Variants in GPC5 observed in about 807,000 individuals in gnomAD.
The protein encoded by GPC5 is glypican-5.
In GPC5, 47 loss-of-function variants were observed where a neutral mutation model predicts 53.9. That is an observed-to-expected ratio of 0.87 (90% CI 0.69 to 1.11). GPC5 has a LOEUF of 1.11. Among genes scored for constraint, GPC5 ranks in the 50% most tolerant of loss-of-function variants. The probability of loss-of-function intolerance (pLI) is 0.00; values close to 1 mark genes in which losing one functional copy is unlikely to be tolerated. For missense variants in GPC5, 748 were observed against 713.1 expected, an observed-to-expected ratio of 1.05 and a Z score of -0.56; for synonymous variants, 286 against 263.3, an observed-to-expected ratio of 1.09 and a Z score of -0.84.
chr13:92,098,833 C>G (rs2041442361), intron 6 of GPC5, among the ~76,000 whole-genome samples: 1 of 152,130 alleles, frequency 6.6e-6, no homozygotes, highest in Admixed American at 6.5e-5. Flanking sequence ...ACGTTGATCT[C>G]CACCCAGTGA....
At chr13:92,653,199 C>G (rs1280037077) in intron 7 of GPC5, among the ~76,000 whole-genome samples, 2 of 152,086 alleles carry the variant, frequency 1.3e-5, no homozygotes, top group Non-Finnish European at 2.9e-5. Flanking sequence ...TGAATATGAC[C>G]CAGAGCAGTT....
At chr13:91,623,736 C>T (rs1272942444) in intron 2 of GPC5, among the ~76,000 whole-genome samples, 1 of 152,098 alleles carries the variant, frequency 6.6e-6, no homozygotes, top group Non-Finnish European at 1.5e-5. Flanking sequence ...CAGATAACAA[C>T]ATAGGACCAA....
At chr13:91,891,241 A>T (rs769958706) in intron 5 of GPC5, among the ~76,000 whole-genome samples, 2 of 152,160 alleles carry the variant, frequency 1.3e-5, no homozygotes, top group Non-Finnish European at 2.9e-5. Flanking sequence ...TACATTGATC[A>T]CATAAGAATC....
chr13:91,416,454 T>TTTATTATTATTATTA (rs368453925), intron 1 of GPC5, among the ~76,000 whole-genome samples: 3,813 of 151,060 alleles, frequency 0.025, 147 homozygotes, highest in East Asian at 0.17. Context: ...ATCCATTTCT[T>TTTATTATTATTATTA]TTATTATTAT....
At chr13:92,517,048 G>C (rs751544680) in intron 7 of GPC5, among the ~76,000 whole-genome samples, 1 of 152,118 alleles carries the variant, frequency 6.6e-6, no homozygotes, top group African/African-American at 2.4e-5. Context: ...GCCTGTCTCG[G>C]AGGGTCCCAC....
At chr13:91,814,147 T>C (rs1036236089) in intron 5 of GPC5, among the ~76,000 whole-genome samples, 1 of 152,010 alleles carries the variant, frequency 6.6e-6, no homozygotes, top group African/African-American at 2.4e-5. Flanking sequence ...TTAGCCAAGA[T>C]GGTCTTTATC....
rs150374075 is a variant in GPC5 at position 91,420,472 on chromosome 13, T to C, written c.163+21263T>C. 2.0e-5 allele frequency among the ~76,000 whole-genome samples: 3 copies of C among 152,312 alleles called. No homozygotes were observed. In the East Asian group the frequency reaches 5.8e-4, roughly 29 times the overall value. On this transcript the variant is annotated intron_variant, in intron 1 of 7. Coordinates refer to ENST00000377067, the MANE Select transcript of GPC5 (RefSeq NM_004466.6). ...TTTCAGCATGTCAAGCTGTTTATTC[T>C]TTTTTTATTTTATTTCTTACCCTCA...
intron 6 of GPC5, among the ~76,000 whole-genome samples, chr13:92,052,421 C>A (rs551474840): frequency 1.3e-5 from 2 of 152,174 alleles, no homozygotes; most frequent in Non-Finnish European, 2.9e-5. Context: ...GTGTCCACAG[C>A]GTGGAAGGGA....
rs1264372031 is a variant in GPC5 at position 92,076,162 on chromosome 13, G to A, written c.1402-68668G>A. Among the ~76,000 whole-genome samples, 7 of 151,370 alleles carry A rather than the reference G, an allele frequency of 4.6e-5. No individual in the cohort carries two copies. The South Asian group carries it at 1.0e-3, about 23-fold the overall frequency. Reference sequence around the variant, plus strand: ...GCTATCACTGCAAGCTCCGCCTCCCGGGTTCACGCCATTCTCCTGCCTCAA... The same window carrying A: ...GCTATCACTGCAAGCTCCGCCTCCCAGGTTCACGCCATTCTCCTGCCTCAA... On this transcript the variant is annotated intron_variant, in intron 6 of 7. Transcript: ENST00000377067.
intron 1 of GPC5, among the ~76,000 whole-genome samples, chr13:91,433,973 G>A (rs112641470): frequency 0.018 from 2,800 of 152,202 alleles, 91 homozygotes; most frequent in African/African-American, 0.063. Context: ...ATTTTTTCAC[G>A]TGTCTTTTGG....
At chr13:91,659,488 C>A (rs2034930957) in intron 2 of GPC5, among the ~76,000 whole-genome samples, 1 of 152,112 alleles carries the variant, frequency 6.6e-6, no homozygotes, top group Non-Finnish European at 1.5e-5. Flanking sequence ...GCTTACATGT[C>A]CCTAAGCCAA....
At position 92,742,243 on chromosome 13, in the gene GPC5, C is replaced by A. The variant is rs560440205; in HGVS notation, c.1562-124039C>A. Among the ~76,000 whole-genome samples, 1,485 of 151,092 alleles carry A rather than the reference C, an allele frequency of 9.8e-3. 19 individuals carry two copies. Among genetic ancestry groups the A allele is most frequent in the African/African-American group, 0.033 (1,373 of 41,254 alleles). On this transcript the variant is annotated intron_variant, in intron 7 of 7. Coordinates refer to ENST00000377067, the MANE Select transcript of GPC5 (RefSeq NM_004466.6). ...CTATTTCTCCACATCCTCTCCAGCA[C>A]CTGTTGTTTCCTGACTTTTTAATGA...
At chr13:92,724,189 G>T (rs572159439) in intron 7 of GPC5, among the ~76,000 whole-genome samples, 2 of 151,342 alleles carry the variant, frequency 1.3e-5, no homozygotes, top group South Asian at 4.2e-4. Context: ...ATAAATTAAG[G>T]CTACTTCTTC....
intron 7 of GPC5, among the ~76,000 whole-genome samples, chr13:92,459,609 T>C (rs570353222): frequency 6.6e-6 from 1 of 152,308 alleles, no homozygotes; most frequent in South Asian, 2.1e-4. Flanking sequence ...ACAGGCTGGA[T>C]GTACCGAATA....
At chr13:92,785,524 T>C (rs1361604088) in intron 7 of GPC5, among the ~76,000 whole-genome samples, 1 of 152,162 alleles carries the variant, frequency 6.6e-6, no homozygotes, top group African/African-American at 2.4e-5. Flanking sequence ...GCAGCATCAA[T>C]GCAATTGAGA....
At chr13:91,677,257 G>A (rs1327568266) in intron 2 of GPC5, among the ~76,000 whole-genome samples, 1 of 152,154 alleles carries the variant, frequency 6.6e-6, no homozygotes, top group Non-Finnish European at 1.5e-5. Context: ...CGACCTTGGT[G>A]AGTACCTTCC....
At chr13:91,522,874 A>G (rs1025345849) in intron 2 of GPC5, among the ~76,000 whole-genome samples, 2 of 152,156 alleles carry the variant, frequency 1.3e-5, no homozygotes, top group African/African-American at 4.8e-5. Context: ...ATAGTATTCC[A>G]TGGTGTGTAT....
intron 3 of GPC5, among the ~76,000 whole-genome samples, chr13:91,708,617 T>C (rs559790130): frequency 6.6e-6 from 1 of 152,298 alleles, no homozygotes; most frequent in East Asian, 1.9e-4. Context: ...ATGGTTGCAC[T>C]ACTCTGTGAA....
rs528434163 is a variant in GPC5 at position 92,512,013 on chromosome 13, C to T, written c.1562-354269C>T. ...TCTAGTTGCTTTGTACCTTGGGTGTCTGGGCTAGAATCAGTCAGTGGGAAA... is the reference window on the plus strand; with the variant it reads ...TCTAGTTGCTTTGTACCTTGGGTGTTTGGGCTAGAATCAGTCAGTGGGAAA... On this transcript the variant is annotated intron_variant, in intron 7 of 7. Coordinates refer to ENST00000377067, the MANE Select transcript of GPC5 (RefSeq NM_004466.6). Among the ~76,000 whole-genome samples, 142 of 152,240 alleles carry T rather than the reference C, an allele frequency of 9.3e-4. 1 individual carries two copies. Among genetic ancestry groups the T allele is most frequent in the African/African-American group, 3.2e-3 (135 of 41,558 alleles).
Sources: allele counts gnomAD v4.1 joint callset (sites outside exome capture counted in the v4.1 genomes callset), GRCh38; gene constraint gnomAD v4.1.1; transcripts MANE v1.5; gene names NCBI Gene and HGNC (gene_info 2026-07-23, HGNC 2026-07-21).